The following TMEM132D variants were observed in gnomAD, a reference collection of about 807,000 sequenced individuals.
TMEM132D encodes the protein mature OL transmembrane protein.
TMEM132D carries 21 observed loss-of-function variants against 62.3 expected under a neutral mutation model. That is an observed-to-expected ratio of 0.34 (90% CI 0.24 to 0.49). The LOEUF (loss-of-function observed/expected upper bound fraction) is 0.49, where lower values mean the gene tolerates loss of function less well. Ranked by LOEUF, TMEM132D falls within the 20% of genes least tolerant of loss-of-function variation. The pLI is 0.99. For synonymous variants in TMEM132D, 621 were observed against 575.6 expected, an observed-to-expected ratio of 1.08 and a Z score of -1.13; for missense variants, 1,346 against 1,402.8, an observed-to-expected ratio of 0.96 and a Z score of 0.65.
Position 129,112,784 on chromosome 12 carries a change from C to T in TMEM132D, c.1444-28082G>A, listed in dbSNP as rs76543598. ...GCTGACATATTGGTCTGCACAGGTT[C>T]AGAACATCCCTGTCATCACAGAAGG... is the stretch of plus-strand genomic sequence containing the variant. On this transcript the variant is annotated intron_variant, in intron 5 of 8. Coordinates refer to ENST00000422113, the MANE Select transcript of TMEM132D (RefSeq NM_133448.3). 9.1e-3 allele frequency among the ~76,000 whole-genome samples: 1,391 copies of T among 152,304 alleles called. 30 individuals carry two copies. Among genetic ancestry groups the T allele is most frequent in the African/African-American group, 0.032 (1,327 of 41,556 alleles).
intron 3 of TMEM132D, among the ~76,000 whole-genome samples, chr12:129,452,798 C>T (rs1389107588): frequency 1.3e-5 from 2 of 152,080 alleles, no homozygotes; most frequent in Admixed American, 1.3e-4. Flanking sequence ...TACCCTTCTC[C>T]CTGCACTTCC....
At chr12:129,528,506 C>G (rs919040334) in intron 3 of TMEM132D, among the ~76,000 whole-genome samples, 2 of 151,886 alleles carry the variant, frequency 1.3e-5, no homozygotes, top group African/African-American at 4.8e-5. Flanking sequence ...AGCCTTTTCT[C>G]CCAGCTTCCC....
intron 3 of TMEM132D, among the ~76,000 whole-genome samples, chr12:129,421,137 T>C (rs1013722485): frequency 1.4e-5 from 2 of 145,392 alleles, no homozygotes; most frequent in African/African-American, 5.7e-5. Flanking sequence ...AATTTTCATA[T>C]TTTTTGGTAG....
At chr12:129,174,443 G>A (rs1439511322) in intron 5 of TMEM132D, among the ~76,000 whole-genome samples, 1 of 152,176 alleles carries the variant, frequency 6.6e-6, no homozygotes, top group African/African-American at 2.4e-5. Context: ...ATTCCATGGT[G>A]TATATGTACC....
At chr12:129,238,199 C>T (rs1055221658) in intron 4 of TMEM132D, among the ~76,000 whole-genome samples, 1 of 152,152 alleles carries the variant, frequency 6.6e-6, no homozygotes, top group Non-Finnish European at 1.5e-5. Flanking sequence ...AAGACGGCCC[C>T]AGACTTGTTG....
chr12:129,186,321 G>A (rs1878221183), intron 5 of TMEM132D, among the ~76,000 whole-genome samples: 1 of 152,200 alleles, frequency 6.6e-6, no homozygotes, highest in African/African-American at 2.4e-5. Context: ...AGACCCCTCA[G>A]CTTTGCCTCC....
At chr12:129,787,285 T>C (rs1249053587) in intron 1 of TMEM132D, among the ~76,000 whole-genome samples, 2 of 152,124 alleles carry the variant, frequency 1.3e-5, no homozygotes, top group Non-Finnish European at 2.9e-5. Context: ...GGGAAGTAAG[T>C]AGAAGATAGG....
intron 1 of TMEM132D, among the ~76,000 whole-genome samples, chr12:129,899,999 G>T (rs73160284): frequency 0.2 from 30,216 of 152,110 alleles, 3,428 homozygotes; most frequent in South Asian, 0.26. Flanking sequence ...TAAGGGTGGT[G>T]CTGTCCTACC....
chr12:129,349,441 C>T (rs565118558), intron 3 of TMEM132D, among the ~76,000 whole-genome samples: 1 of 152,274 alleles, frequency 6.6e-6, no homozygotes, highest in Admixed American at 6.5e-5. Flanking sequence ...ACTGTTAATA[C>T]CAGGTGCTAA....
intron 2 of TMEM132D, among the ~76,000 whole-genome samples, chr12:129,635,205 A>C (rs768440620): frequency 2.8e-4 from 42 of 152,174 alleles, no homozygotes; most frequent in Non-Finnish European, 5.0e-4. Flanking sequence ...TGCCTCTGAA[A>C]ATGTTTTTGA....
intron 2 of TMEM132D, among the ~76,000 whole-genome samples, chr12:129,659,668 T>C (rs1880186291): frequency 6.6e-6 from 1 of 152,122 alleles, no homozygotes; most frequent in Non-Finnish European, 1.5e-5. Flanking sequence ...GAATAAAGAA[T>C]ATCCTTTCTG....
At chr12:129,296,785 C>A (rs2135623941) in intron 4 of TMEM132D, among the ~76,000 whole-genome samples, 1 of 152,232 alleles carries the variant, frequency 6.6e-6, no homozygotes, top group African/African-American at 2.4e-5. Context: ...GCCCCCAGAG[C>A]AGGGATTGGG....
At chr12:129,227,298 G>GAAGC (rs1879505681) in intron 4 of TMEM132D, among the ~76,000 whole-genome samples, 1 of 66,562 alleles carries the variant, frequency 1.5e-5, no homozygotes, top group Non-Finnish European at 2.9e-5. Context: ...CCTGCGTTAG[G>GAAGC]AAATATATAT....
In TMEM132D at chr12:129,356,147, ATTTTTTTTTT is replaced by A. The variant is rs35842499; in HGVS notation, c.1116-18340_1116-18331del. ...GTCTGCTTCTAGAGAAACTGAAGGG[ATTTTTTTTTT>A]TTTTTTTTTTTTTTTTTGAGACGGA... On this transcript the variant is annotated intron_variant, in intron 3 of 8. Transcript: ENST00000422113. 1.1e-4 allele frequency among the ~76,000 whole-genome samples: 4 copies of A among 36,562 alleles called. 1 individual carries two copies. Among genetic ancestry groups the A allele is most frequent in the Admixed American group, 4.1e-4 (1 of 2,454 alleles). 24.0% of individuals were successfully genotyped at this position (36,562 alleles called of 152,430 possible). A position where few individuals can be genotyped will look rare whatever the true frequency, so the allele number is the denominator to read the frequency against.
intron 3 of TMEM132D, among the ~76,000 whole-genome samples, chr12:129,409,079 C>T (rs1270633671): frequency 5.3e-5 from 8 of 152,058 alleles, no homozygotes; most frequent in Non-Finnish European, 1.2e-4. Flanking sequence ...ATTACACGCA[C>T]CCACCACCAT....
At chr12:129,319,074 C>T (rs1431485537) in intron 4 of TMEM132D, among the ~76,000 whole-genome samples, 3 of 152,212 alleles carry the variant, frequency 2.0e-5, no homozygotes, top group African/African-American at 7.2e-5. Flanking sequence ...CTTGGTTCTT[C>T]CCCGCCTGTG....
chr12:129,869,483 A>G (rs1268188617), intron 1 of TMEM132D, among the ~76,000 whole-genome samples: 2 of 152,178 alleles, frequency 1.3e-5, no homozygotes, highest in Admixed American at 6.5e-5. Context: ...AACACAATGT[A>G]AATGCTATTT....
rs1389326165 is a variant in TMEM132D at position 129,073,863 on chromosome 12, T to C, written c.*12A>G. The C allele has an allele frequency of 1.3e-6, 2 of 1,520,798 alleles. No homozygotes were observed. The highest frequency in any genetic ancestry group is 1.8e-6 in the Non-Finnish European group (2 of 1,134,902). 94.2% of individuals were successfully genotyped at this position (1,520,798 alleles called of 1,614,324 possible). ...AAAGGTGAGTGAGAACCAATGTCTG[T>C]GTGTGTCTGGCTTACACATTTTCAT... On this transcript the variant is annotated 3_prime_UTR_variant, in exon 9 of 9. Transcript: ENST00000422113.
chr12:129,848,940 C>T (rs910243464), intron 1 of TMEM132D, among the ~76,000 whole-genome samples: 10 of 152,178 alleles, frequency 6.6e-5, no homozygotes, highest in African/African-American at 2.4e-4. Context: ...CCGTTCACAC[C>T]CTCTTGCCTC....
Sources: gnomAD v4.1 joint callset for allele counts (sites outside exome capture counted in the v4.1 genomes callset) on GRCh38, gnomAD v4.1.1 for gene constraint, MANE v1.5 for transcripts, NCBI Gene and HGNC (gene_info 2026-07-23, HGNC 2026-07-21) for gene names.